CLSTN2: variants seen among roughly 807,000 people sequenced by gnomAD.
CLSTN2 encodes the protein calsyntenin-2.
CLSTN2 carries 48 observed loss-of-function variants against 101.2 expected under a neutral mutation model. That is an observed-to-expected ratio of 0.47 (90% CI 0.38 to 0.60). The LOEUF (loss-of-function observed/expected upper bound fraction) is 0.60. Among genes scored for constraint, CLSTN2 ranks in the 20% least tolerant of loss-of-function variants. The pLI, the probability that CLSTN2 is intolerant of heterozygous loss-of-function variation, is 0.00. For synonymous variants in CLSTN2, 481 were observed against 463.6 expected, an observed-to-expected ratio of 1.04 and a Z score of -0.48; for missense variants, 1,160 against 1,238.2, an observed-to-expected ratio of 0.94 and a Z score of 0.95.
At chr3:140,103,737 A>G (rs2009005886) in intron 1 of CLSTN2, among the ~76,000 whole-genome samples, 1 of 152,208 alleles carries the variant, frequency 6.6e-6, no homozygotes, top group Non-Finnish European at 1.5e-5. Flanking sequence ...GCCTTGTTGA[A>G]GTCTGGGAGA....
intron 1 of CLSTN2, among the ~76,000 whole-genome samples, chr3:140,017,609 G>A (rs1225260934): frequency 2.0e-5 from 3 of 152,212 alleles, no homozygotes; most frequent in African/African-American, 7.2e-5. Context: ...AACACAACTA[G>A]GCTCAAGGCA....
At chr3:140,470,920 GC>G (rs1450376769) in intron 8 of CLSTN2, among the ~76,000 whole-genome samples, 3 of 152,138 alleles carry the variant, frequency 2.0e-5, no homozygotes, top group Non-Finnish European at 2.9e-5. Context: ...CTTCAGGAGT[GC>G]TGCTGAGAGA....
intron 1 of CLSTN2, among the ~76,000 whole-genome samples, chr3:140,052,883 G>A (rs1231664321): frequency 1.3e-5 from 2 of 152,190 alleles, no homozygotes; most frequent in Non-Finnish European, 2.9e-5. Flanking sequence ...AGCCCCACAT[G>A]TATATAGTGA....
rs185070184 is a variant in CLSTN2, at chr3:140,532,473, C to A, written c.1494C>A (p.Gly498=). 1.2e-6 allele frequency: 2 copies of A among 1,612,578 alleles called. No homozygotes were observed. Among genetic ancestry groups the A allele is most frequent in the Non-Finnish European group, 1.7e-6 (2 of 1,179,198 alleles). Reference sequence around the variant, plus strand: ...ACATAGCCATGCAACTCACAGTCGGCGCTTGTTGGCAAGGTAATCCTAAGT... The same window carrying A: ...ACATAGCCATGCAACTCACAGTCGGAGCTTGTTGGCAAGGTAATCCTAAGT... ...PSHIAMQLTV[G]ACWQGGEVTK... The change falls in exon 9 of 17, where the codon GGC becomes GGA. Residue 498 remains glycine, a synonymous_variant. Coordinates refer to ENST00000458420, the MANE Select transcript of CLSTN2 (RefSeq NM_022131.3).
chr3:140,294,744 A>G (rs1207649810), intron 2 of CLSTN2, among the ~76,000 whole-genome samples: 1 of 152,166 alleles, frequency 6.6e-6, no homozygotes, highest in African/African-American at 2.4e-5. Flanking sequence ...AAAGTACCAT[A>G]GACTGGGTGA....
At chr3:140,218,212 C>T (rs1045035779) in intron 2 of CLSTN2, among the ~76,000 whole-genome samples, 10 of 152,280 alleles carry the variant, frequency 6.6e-5, no homozygotes, top group South Asian at 2.1e-4. Context: ...TAGCTTGATT[C>T]GCTGAGAGAT....
chr3:140,087,825 A>G (rs986236250), intron 1 of CLSTN2, among the ~76,000 whole-genome samples: 23 of 152,162 alleles, frequency 1.5e-4, no homozygotes, highest in Non-Finnish European at 8.8e-5. Context: ...TGTTTGTAGC[A>G]TGGAAGGAAA....
intron 1 of CLSTN2, among the ~76,000 whole-genome samples, chr3:140,075,069 C>T (rs1309245483): frequency 6.6e-6 from 1 of 152,216 alleles, no homozygotes; most frequent in Admixed American, 6.5e-5. Flanking sequence ...ATCCCTGATA[C>T]TAGTTATTTG....
intron 2 of CLSTN2, among the ~76,000 whole-genome samples, chr3:140,393,313 A>G (rs1460520076): frequency 6.6e-6 from 1 of 152,220 alleles, no homozygotes; most frequent in Non-Finnish European, 1.5e-5. Context: ...CATGATTTGC[A>G]CCAATTCTAT....
intron 1 of CLSTN2, among the ~76,000 whole-genome samples, chr3:139,949,662 T>C (rs928593745): frequency 6.6e-6 from 1 of 152,216 alleles, no homozygotes; most frequent in Non-Finnish European, 1.5e-5. Flanking sequence ...ACCTTTGCTA[T>C]CAGTGAATTA....
intron 2 of CLSTN2, among the ~76,000 whole-genome samples, chr3:140,250,700 G>A (rs762456414): frequency 6.6e-6 from 1 of 152,108 alleles, no homozygotes; most frequent in Non-Finnish European, 1.5e-5. Flanking sequence ...CCTTCGCCAG[G>A]GATAATTAGG....
chr3:140,034,557 G>A (rs1022243216), intron 1 of CLSTN2, among the ~76,000 whole-genome samples: 2 of 152,224 alleles, frequency 1.3e-5, no homozygotes, highest in Admixed American at 6.5e-5. Flanking sequence ...TGCAAATGCT[G>A]AGCCTGGCCT....
intron 2 of CLSTN2, among the ~76,000 whole-genome samples, chr3:140,179,620 CAAAAAAAAAAAA>C (rs57433306): frequency 5.3e-5 from 2 of 37,458 alleles, no homozygotes; most frequent in East Asian, 1.8e-3. Flanking sequence ...GACCCTATCT[CAAAAAAAAAAAA>C]AAAAAAAAAA....
chr3:140,291,131 G>C (rs2086947469), intron 2 of CLSTN2, among the ~76,000 whole-genome samples: 1 of 152,024 alleles, frequency 6.6e-6, no homozygotes, highest in Non-Finnish European at 1.5e-5. Context: ...AATATTAATA[G>C]TTGTCCCATG....
In CLSTN2 at chr3:139,935,243, C is replaced by A. The variant is rs945675073; in HGVS notation, c.-132C>A. 16 of 400,916 alleles carry A rather than the reference C, an allele frequency of 4.0e-5. No homozygotes were observed. The highest frequency in any genetic ancestry group is 6.2e-5 in the Non-Finnish European group (15 of 241,718). The allele number at this position is 400,916 out of a possible 1,614,324, so 24.8% of individuals were successfully genotyped here. A position where few individuals can be genotyped will look rare whatever the true frequency, so the allele number is the denominator to read the frequency against. On this transcript the variant is annotated 5_prime_UTR_variant, in exon 1 of 17. Transcript: ENST00000458420. The surrounding 1 kb of genome is among the most constrained non-coding windows in gnomAD (Gnocchi z 5.5). The stretch of plus-strand genomic sequence containing the variant: ...GCAGCGGCGGGAACCCGAGGCCGAG[C>A]GCCGCGGCGGCAGCGCTAGAAGCGC...
chr3:139,980,929 G>A (rs187496398), intron 1 of CLSTN2, among the ~76,000 whole-genome samples: 1 of 152,216 alleles, frequency 6.6e-6, no homozygotes, highest in East Asian at 1.9e-4. Context: ...GCAGCCATTG[G>A]GGAGGTCATT....
intron 12 of CLSTN2, among the ~76,000 whole-genome samples, chr3:140,559,810 A>G (rs761733597): frequency 2.2e-4 from 33 of 152,186 alleles, no homozygotes; most frequent in Non-Finnish European, 4.1e-4. Context: ...CTATTGCCTT[A>G]AACCACCCTG....
At chr3:140,513,597 T>TG (rs1934858709) in intron 8 of CLSTN2, among the ~76,000 whole-genome samples, 1 of 148,824 alleles carries the variant, frequency 6.7e-6, no homozygotes, top group African/African-American at 2.5e-5. Context: ...TTTTTTTTTT[T>TG]TTTGGGTGTG....
rs762407145 is a variant in CLSTN2 at position 140,034,510 on chromosome 3, CA to C, written c.109+99028del. Reference sequence around the variant, plus strand: ...GTGTTCTTTTCTTGGGAATAATCCGCACCCTGCCATTAAGCATTCCACATGG... The same window carrying C: ...GTGTTCTTTTCTTGGGAATAATCCGCCCCTGCCATTAAGCATTCCACATGG... On this transcript the variant is annotated intron_variant, in intron 1 of 16. Transcript: ENST00000458420. 2.0e-4 allele frequency among the ~76,000 whole-genome samples: 31 copies of C among 152,316 alleles called. No individual in the cohort carries two copies. In the South Asian group the frequency reaches 4.4e-3, roughly 21 times the overall value.
Sources: allele counts gnomAD v4.1 joint callset (sites outside exome capture counted in the v4.1 genomes callset), GRCh38; gene constraint gnomAD v4.1.1; non-coding constraint Gnocchi (gnomAD v3.1); transcripts MANE v1.5; gene names NCBI Gene and HGNC (gene_info 2026-07-23, HGNC 2026-07-21).